Variants in CHCHD3 observed in about 807,000 individuals in gnomAD.
CHCHD3 encodes the protein MICOS complex subunit MIC19.
In CHCHD3, 20 loss-of-function variants were observed where a neutral mutation model predicts 38.2. The ratio of observed to expected loss-of-function variants is 0.52; its 90% CI spans 0.37 to 0.76. The LOEUF (loss-of-function observed/expected upper bound fraction) is 0.76. Ranked by LOEUF, CHCHD3 falls within the 30% of genes least tolerant of loss-of-function variation. The pLI is 0.00. For synonymous variants in CHCHD3, 82 were observed against 100.0 expected (o/e 0.82, Z 1.07); for missense variants, 245 against 279.2 (o/e 0.88, Z 0.87).
intron 6 of CHCHD3, among the ~76,000 whole-genome samples, chr7:132,803,268 T>C (rs931626800): frequency 6.6e-6 from 1 of 152,190 alleles, no homozygotes; most frequent in African/African-American, 2.4e-5. Flanking sequence ...GATATATCAA[T>C]GTGTGAATGA....
chr7:132,797,325 T>G (rs976040720), intron 6 of CHCHD3, among the ~76,000 whole-genome samples: 3 of 152,076 alleles, frequency 2.0e-5, no homozygotes, highest in Non-Finnish European at 4.4e-5. Context: ...TATGCCTCTA[T>G]ATCTGGAAAA....
intron 6 of CHCHD3, among the ~76,000 whole-genome samples, chr7:132,807,611 ATATATATAT>A (rs1435622575): frequency 2.1e-4 from 6 of 28,626 alleles, no homozygotes; most frequent in African/African-American, 3.2e-4. Context: ...ACATAAATAT[ATATATATAT>A]ATATATATAT....
intron 1 of CHCHD3, among the ~76,000 whole-genome samples, chr7:133,078,581 G>A (rs956451546): frequency 2.6e-5 from 4 of 152,132 alleles, no homozygotes; most frequent in Non-Finnish European, 5.9e-5. Flanking sequence ...AATAAAGGAA[G>A]ATGAAATTAT....
intron 1 of CHCHD3, among the ~76,000 whole-genome samples, chr7:133,074,315 A>T (rs1347239409): frequency 6.6e-6 from 1 of 152,204 alleles, no homozygotes; most frequent in African/African-American, 2.4e-5. Context: ...GAAAAGGGAA[A>T]GGCTACAGAT....
At chr7:132,810,784 A>T (rs918677285) in intron 6 of CHCHD3, among the ~76,000 whole-genome samples, 1 of 152,190 alleles carries the variant, frequency 6.6e-6, no homozygotes, top group African/African-American at 2.4e-5. Flanking sequence ...CAGTATTAAT[A>T]TATGCCATTA....
At chr7:132,917,227 T>C (rs1184383022) in intron 4 of CHCHD3, among the ~76,000 whole-genome samples, 1 of 152,114 alleles carries the variant, frequency 6.6e-6, no homozygotes, top group Admixed American at 6.5e-5. Context: ...AACAACAGAC[T>C]TTCCATCTAA....
chr7:132,966,552 T>C (rs1003579544), intron 4 of CHCHD3, among the ~76,000 whole-genome samples: 1 of 152,190 alleles, frequency 6.6e-6, no homozygotes, highest in Non-Finnish European at 1.5e-5. Context: ...TCATTGCACA[T>C]GGTATATCAC....
intron 5 of CHCHD3, among the ~76,000 whole-genome samples, chr7:132,874,295 A>C (rs930882680): frequency 6.6e-6 from 1 of 152,238 alleles, no homozygotes; most frequent in Non-Finnish European, 1.5e-5. Context: ...GCATGTGATT[A>C]CTGACCATCA....
At chr7:132,792,453 C>A (rs187388878) in intron 7 of CHCHD3, among the ~76,000 whole-genome samples, 1 of 152,276 alleles carries the variant, frequency 6.6e-6, no homozygotes, top group African/African-American at 2.4e-5. Flanking sequence ...AGAAAGGGTA[C>A]GTAGCAGTGG....
chr7:133,023,933 C>T (rs1430160006), intron 3 of CHCHD3, among the ~76,000 whole-genome samples: 1 of 152,078 alleles, frequency 6.6e-6, no homozygotes, highest in East Asian at 1.9e-4. Flanking sequence ...CTTCAATGAA[C>T]ATTCTTTTAG....
intron 7 of CHCHD3, among the ~76,000 whole-genome samples, chr7:132,792,756 C>G (rs1270567479): frequency 6.6e-6 from 1 of 152,208 alleles, no homozygotes; most frequent in Non-Finnish European, 1.5e-5. Context: ...ATCAAAGCAA[C>G]TGAAGCTCAA....
At position 133,045,233 on chromosome 7, in the gene CHCHD3, CA is replaced by C. The variant is rs1459770170; in HGVS notation, c.170-20607del. 1.1e-4 allele frequency among the ~76,000 whole-genome samples: 16 copies of C among 152,166 alleles called. 1 individual carries two copies. ...TTTTAGGTAAGGATGGAAGCAACTA[CA>C]ATACACTTAAGCTGTCAGGCCTGAC... On this transcript the variant is annotated intron_variant, in intron 2 of 7. Coordinates refer to ENST00000262570, the MANE Select transcript of CHCHD3 (RefSeq NM_017812.4).
At chr7:132,830,586 T>C (rs1807621764) in intron 6 of CHCHD3, 1 of 152,216 alleles carries the variant, frequency 6.6e-6, no homozygotes, top group African/African-American at 2.4e-5. Context: ...CTGAGGAATT[T>C]TGTGTTCTAA....
chr7:132,871,563 C>T (rs1234947939), intron 5 of CHCHD3, among the ~76,000 whole-genome samples: 2 of 152,096 alleles, frequency 1.3e-5, no homozygotes, highest in Non-Finnish European at 2.9e-5. Context: ...GACTGCTTGC[C>T]CAAGGAGACA....
At chr7:132,917,654 C>T (rs565592646) in intron 4 of CHCHD3, among the ~76,000 whole-genome samples, 1 of 151,920 alleles carries the variant, frequency 6.6e-6, no homozygotes, top group Non-Finnish European at 1.5e-5. Context: ...GTCAGGAGAT[C>T]GAGACCATCC....
chr7:132,850,450 G>GTTTTTTTTTTTTT (rs75016148), intron 5 of CHCHD3, among the ~76,000 whole-genome samples: 2 of 132,960 alleles, frequency 1.5e-5, no homozygotes, highest in African/African-American at 2.9e-5. Context: ...TTTTTTTTTT[G>GTTTTTTTTTTTTT]TTTTTTTTTT....
chr7:132,912,127 T>A (rs887171062), intron 4 of CHCHD3, among the ~76,000 whole-genome samples: 5 of 152,228 alleles, frequency 3.3e-5, no homozygotes, highest in African/African-American at 1.2e-4. Flanking sequence ...AGGACTTTTG[T>A]TATATAGGCC....
At chr7:132,941,703 T>C (rs1042028661) in intron 4 of CHCHD3, among the ~76,000 whole-genome samples, 3 of 152,094 alleles carry the variant, frequency 2.0e-5, no homozygotes, top group African/African-American at 7.2e-5. Flanking sequence ...GAGCCTGGGA[T>C]GGCTGAGTGA....
chr7:133,006,385 G>A (rs1812700142), intron 3 of CHCHD3, among the ~76,000 whole-genome samples: 1 of 152,014 alleles, frequency 6.6e-6, no homozygotes, highest in Non-Finnish European at 1.5e-5. Context: ...AGAATCCCTT[G>A]AACCTGGGAA....
Sources: gnomAD v4.1 joint callset for allele counts (sites outside exome capture counted in the v4.1 genomes callset) on GRCh38, gnomAD v4.1.1 for gene constraint, MANE v1.5 for transcripts, NCBI Gene and HGNC (gene_info 2026-07-23, HGNC 2026-07-21) for gene names.